OPRM1: variants seen among roughly 807,000 people sequenced by gnomAD.
OPRM1 encodes opioid receptor mu 1.
A neutral mutation model predicts 31.8 loss-of-function variants in OPRM1; 27 were observed. The ratio of observed to expected loss-of-function variants is 0.85; its 90% CI spans 0.63 to 1.17. The LOEUF (loss-of-function observed/expected upper bound fraction) is 1.17, where lower values mean the gene tolerates loss of function less well. OPRM1 is among the 50% of genes most tolerant of loss of function. The pLI, the probability that OPRM1 is intolerant of heterozygous loss-of-function variation, is 0.00. For missense variants in OPRM1, 536 were observed against 511.1 expected (o/e 1.05, Z -0.47); for synonymous variants, 196 against 189.9 (o/e 1.03, Z -0.26).
chr6:154,055,265 G>A (rs567773162), intron 1 of OPRM1, among the ~76,000 whole-genome samples: 34 of 152,302 alleles, frequency 2.2e-4, no homozygotes, highest in Non-Finnish European at 2.9e-4. Flanking sequence ...GCTTGTGCCT[G>A]TAATCCCAGC....
rs117607934 is a variant in OPRM1 at position 154,128,799 on chromosome 6, C to A, written c.*10078C>A. Among the ~76,000 whole-genome samples the A allele has an allele frequency of 1.4e-4, 22 of 152,276 alleles. No homozygotes were observed. The highest frequency in any genetic ancestry group is 9.8e-4 in the Admixed American group (15 of 15,296). ...ATAAATGGGAACTGCCAGGTAATAG[C>A]TATGCTATTTCTGACATAAATTTAA... is the stretch of plus-strand genomic sequence containing the variant. On this transcript the variant is annotated 3_prime_UTR_variant, in exon 4 of 4. Coordinates refer to ENST00000330432, the MANE Select transcript of OPRM1 (RefSeq NM_000914.5).
intron 1 of OPRM1, among the ~76,000 whole-genome samples, chr6:154,072,478 A>G (rs1212325258): frequency 6.6e-6 from 1 of 152,240 alleles, no homozygotes; most frequent in Non-Finnish European, 1.5e-5. Context: ...ATTCAATACT[A>G]AAACTAAGTA....
intron 3 of OPRM1, chr6:154,109,023 G>C: frequency 1.0e-6 from 1 of 985,068 alleles, no homozygotes; most frequent in Non-Finnish European, 1.2e-6. Flanking sequence ...CTAACCTGTT[G>C]GAATTATAGG....
At chr6:154,136,346 ACT>A (rs1481079283), downstream of OPRM1, among the ~76,000 whole-genome samples, 1 of 152,080 alleles carries the variant, frequency 6.6e-6, no homozygotes, top group Admixed American at 6.5e-5. Flanking sequence ...TACGAAGAAC[ACT>A]CTGCCCAAGG....
At position 154,089,941 on chromosome 6, in the gene OPRM1, C is replaced by T. The variant is rs1343432228; in HGVS notation, c.406C>T (p.Pro136Ser). ...TGTGAATTACCTAATGGGAACATGG[C>T]CATTTGGAACCATCCTTTGCAAGAT... ...QSVNYLMGTWPFGTILCKIVI... is the reference protein window; with the variant it reads ...QSVNYLMGTWSFGTILCKIVI... Residue 136 changes from proline (P) to serine (S), a missense_variant, in exon 2 of 4, where the codon CCA becomes TCA. Coordinates refer to ENST00000330432, the MANE Select transcript of OPRM1 (RefSeq NM_000914.5). The T allele has an allele frequency of 6.2e-7, 1 of 1,613,826 alleles. No homozygotes were observed. The highest frequency in any genetic ancestry group is 1.7e-5 in the Admixed American group (1 of 60,008).
chr6:154,063,047 A>AAC (rs1049969802), intron 1 of OPRM1, among the ~76,000 whole-genome samples: 1 of 152,018 alleles, frequency 6.6e-6, no homozygotes, highest in African/African-American at 2.4e-5. Flanking sequence ...ATCTCCAGAA[A>AAC]ACACACACAC....
At chr6:154,138,246 G>GA (rs879605564) in intron 3 of OPRM1, among the ~76,000 whole-genome samples, 102 of 142,496 alleles carry the variant, frequency 7.2e-4, no homozygotes, top group Admixed American at 1.1e-3. Context: ...AAGCTTTCAG[G>GA]AAAAAAAAAA....
At chr6:154,060,931 C>G (rs577339185) in intron 1 of OPRM1, among the ~76,000 whole-genome samples, 1 of 152,170 alleles carries the variant, frequency 6.6e-6, no homozygotes, top group Non-Finnish European at 1.5e-5. Flanking sequence ...AAGTTTATGT[C>G]AAGAAAAGAA....
intron 3 of OPRM1, among the ~76,000 whole-genome samples, chr6:154,151,023 C>G (rs1421765772): frequency 3.3e-5 from 5 of 152,216 alleles, no homozygotes; most frequent in African/African-American, 1.2e-4. Context: ...CCAGCTGGTC[C>G]ACCCTCTTCC....
intron 3 of OPRM1, among the ~76,000 whole-genome samples, chr6:154,193,221 C>A (rs1293824830): frequency 6.6e-6 from 1 of 152,130 alleles, no homozygotes; most frequent in African/African-American, 2.4e-5. Context: ...TTCACAGCAA[C>A]CTTGGATGGA....
chr6:154,175,321 T>A (rs1323048359), intron 3 of OPRM1, among the ~76,000 whole-genome samples: 2 of 147,268 alleles, frequency 1.4e-5, no homozygotes, highest in Non-Finnish European at 3.0e-5. Flanking sequence ...ATAACTAAGA[T>A]CAGAGCAGAA....
At chr6:154,099,970 C>CATAACATATTATATATTATCATATTAT (rs1562471437) in intron 3 of OPRM1, among the ~76,000 whole-genome samples, 22 of 128,636 alleles carry the variant, frequency 1.7e-4, no homozygotes, top group African/African-American at 2.1e-4. Context: ...TATCATATTA[C>CATAACATATTATATATTATCATATTAT]GATATATATC....
At chr6:154,174,768 C>T (rs1321878714) in intron 3 of OPRM1, among the ~76,000 whole-genome samples, 1 of 152,116 alleles carries the variant, frequency 6.6e-6, no homozygotes, top group Non-Finnish European at 1.5e-5. Context: ...ATCAACAAGA[C>T]AGAAAATTAA....
At chr6:154,013,391 A>C (rs1777834849) in intron 1 of OPRM1, among the ~76,000 whole-genome samples, 1 of 152,196 alleles carries the variant, frequency 6.6e-6, no homozygotes, top group Admixed American at 6.5e-5. Flanking sequence ...AATGTCATTC[A>C]AGTGCCTGAA....
chr6:154,073,842 A>C (rs1787294114), intron 1 of OPRM1: 1 of 152,206 alleles, frequency 6.6e-6, no homozygotes, highest in African/African-American at 2.4e-5. Context: ...GTCTCTATTA[A>C]AAATACAAAA....
intron 3 of OPRM1, among the ~76,000 whole-genome samples, chr6:154,225,269 A>T (rs1325031030): frequency 6.6e-6 from 1 of 152,202 alleles, no homozygotes; most frequent in African/African-American, 2.4e-5. Flanking sequence ...AGAGGAATTG[A>T]AAAAGGGTAC....
Position 154,091,217 on chromosome 6 carries a change from C to A in OPRM1, c.909C>A (p.Ile303=), listed in dbSNP as rs1201563174. The change falls in exon 3 of 4, where the codon ATC becomes ATA. Residue 303 remains isoleucine, a synonymous_variant. Transcript: ENST00000330432. The part of the protein sequence containing the change: ...VCWTPIHIYV[I]IKALVTIPET... ...GGACTCCCATTCACATTTACGTCAT[C>A]ATTAAAGCCTTGGTTACAATCCCAG... The A allele has an allele frequency of 1.2e-6, 2 of 1,614,192 alleles. No individual in the cohort carries two copies. The highest frequency in any genetic ancestry group is 1.6e-4 in the Middle Eastern group (1 of 6,062).
At position 154,168,415 on chromosome 6, in the gene OPRM1, T is replaced by C. The variant is rs745643601; in HGVS notation, c.1164+76943T>C. On this transcript the variant is annotated intron_variant, in intron 3 of 3. Transcript: ENST00000337049. The surrounding 1 kb of genome is among the most constrained non-coding windows in gnomAD (Gnocchi z 4.1). Reference sequence around the variant, plus strand: ...TCCAATATTCACATGGGGTGTTCCCTGCATGCATGTCTCTGTGTCCAAACT... The same window carrying C: ...TCCAATATTCACATGGGGTGTTCCCCGCATGCATGTCTCTGTGTCCAAACT... 6.6e-6 allele frequency among the ~76,000 whole-genome samples: 1 copy of C among 152,108 alleles called. No homozygotes were observed. The highest frequency in any genetic ancestry group is 1.5e-5 in the Non-Finnish European group (1 of 68,018).
chr6:154,038,139 C>CA (rs1779428643), upstream of OPRM1, among the ~76,000 whole-genome samples: 3 of 152,022 alleles, frequency 2.0e-5, no homozygotes, highest in African/African-American at 4.8e-5. Context: ...AGATAAATGC[C>CA]AAAAAATAAT....
Sources: gnomAD v4.1 joint callset for allele counts (sites outside exome capture counted in the v4.1 genomes callset) on GRCh38, gnomAD v4.1.1 for gene constraint, Gnocchi (gnomAD v3.1) non-coding constraint, MANE v1.5 for transcripts, NCBI Gene and HGNC (gene_info 2026-07-23, HGNC 2026-07-21) for gene names.